The following GPR139 variants were observed in gnomAD, a reference collection of about 807,000 sequenced individuals.
GPR139 encodes the protein probable G protein-coupled receptor 139.
In GPR139, 12 loss-of-function variants were observed where a neutral mutation model predicts 25.8. The ratio of observed to expected loss-of-function variants is 0.47; its 90% CI spans 0.30 to 0.75. GPR139 has a LOEUF of 0.75. GPR139 is among the 30% of genes least tolerant of loss of function. GPR139 has a pLI of 0.07. For synonymous variants in GPR139, 184 were observed against 179.9 expected (o/e 1.02, Z -0.18); for missense variants, 380 against 450.2 (o/e 0.84, Z 1.41).
At chr16:20,067,744 C>A (rs890797081) in intron 1 of GPR139, among the ~76,000 whole-genome samples, 1 of 131,470 alleles carries the variant, frequency 7.6e-6, no homozygotes, top group African/African-American at 2.9e-5. Flanking sequence ...GCAGAAGTTG[C>A]GGTGAGCCGA....
At chr16:20,033,717 G>C (rs149451370) in intron 1 of GPR139, among the ~76,000 whole-genome samples, 30 of 152,182 alleles carry the variant, frequency 2.0e-4, no homozygotes, top group African/African-American at 7.2e-4. Flanking sequence ...AAAAATAATA[G>C]CAAGGAAAAG....
chr16:20,066,535 G>A (rs1489226892), intron 1 of GPR139, among the ~76,000 whole-genome samples: 1 of 152,204 alleles, frequency 6.6e-6, no homozygotes, highest in Non-Finnish European at 1.5e-5. Flanking sequence ...GAGTGAAATT[G>A]TGGATTCATG....
chr16:20,036,059 A>G (rs1038390699), intron 1 of GPR139, among the ~76,000 whole-genome samples: 2 of 152,220 alleles, frequency 1.3e-5, no homozygotes, highest in Non-Finnish European at 2.9e-5. Context: ...GAGAAACATC[A>G]TATAAGTGGC....
intron 1 of GPR139, among the ~76,000 whole-genome samples, chr16:20,065,763 C>T (rs922497488): frequency 9.2e-5 from 14 of 151,796 alleles, no homozygotes; most frequent in African/African-American, 3.4e-4. Context: ...ATTCCAGCTG[C>T]CCGGGAGGCT....
intron 1 of GPR139, among the ~76,000 whole-genome samples, chr16:20,040,996 C>T (rs1389068741): frequency 6.6e-6 from 1 of 151,220 alleles, no homozygotes; most frequent in African/African-American, 2.4e-5. Flanking sequence ...AGTCACAATC[C>T]CCTGTGACTT....
intron 1 of GPR139, among the ~76,000 whole-genome samples, chr16:20,054,132 A>T (rs905158691): frequency 7.9e-5 from 12 of 152,172 alleles, no homozygotes; most frequent in African/African-American, 2.9e-4. Context: ...TAGGAACTTG[A>T]CAAATATTTG....
chr16:20,032,195 A>C lies in GPR139; in HGVS notation c.602T>G (p.Ile201Ser), dbSNP rs1377279993. 1 of 1,614,186 alleles carries C rather than the reference A, an allele frequency of 6.2e-7. No homozygotes were observed. The highest frequency in any genetic ancestry group is 1.1e-5 in the South Asian group (1 of 91,076). ...CTTGTACACAATGATTGAGTTCAAG[A>C]TGAAGAAGATGGAGCAGGGCACCAG... Reference protein sequence around the residue: ...VYLVPCSIFFILNSIIVYKLR... With the variant: ...VYLVPCSIFFSLNSIIVYKLR... The change falls in exon 2 of 2, where the codon ATC becomes AGC. Residue 201 changes from isoleucine (I) to serine (S), a missense_variant. Physicochemically the swap from Ile to Ser is moderately radical, Grantham distance 142. Transcript: ENST00000570682.
rs182499672 is a variant in GPR139, at chr16:20,072,139, G to A, written c.127+1351C>T. 5.3e-4 allele frequency among the ~76,000 whole-genome samples: 81 copies of A among 152,264 alleles called. 1 individual carries two copies. In the Middle Eastern group the frequency reaches 0.024, roughly 45 times the overall value. ...TTACAGGACATGTGCTACCACCCCG[G>A]CAGGGCAAGTCAGAGGCTGAGCTGC... is the stretch of plus-strand genomic sequence containing the variant. On this transcript the variant is annotated intron_variant, in intron 1 of 1. Transcript: ENST00000570682.
chr16:20,072,928 A>G (rs1368813175), intron 1 of GPR139, among the ~76,000 whole-genome samples: 2 of 152,120 alleles, frequency 1.3e-5, no homozygotes, highest in Admixed American at 6.5e-5. Flanking sequence ...GCCAGCTGGG[A>G]GACCCTTTTC....
chr16:20,045,438 G>C (rs2057351108), intron 1 of GPR139, among the ~76,000 whole-genome samples: 1 of 152,154 alleles, frequency 6.6e-6, no homozygotes, highest in Admixed American at 6.5e-5. Flanking sequence ...CAAGACCCAG[G>C]ATTCAAAAAC....
At chr16:20,054,687 T>TCTTCCTTCCTTCCTTCTTC (rs1555466441) in intron 1 of GPR139, among the ~76,000 whole-genome samples, 1 of 129,806 alleles carries the variant, frequency 7.7e-6, no homozygotes, top group African/African-American at 2.6e-5. Context: ...CTTCCTTCCT[T>TCTTCCTTCCTTCCTTCTTC]CTTCCTTCCT....
intron 1 of GPR139, among the ~76,000 whole-genome samples, chr16:20,061,357 C>T (rs1382445689): frequency 2.1e-5 from 3 of 143,822 alleles, no homozygotes; most frequent in Non-Finnish European, 4.5e-5. Context: ...ATAGATGAAT[C>T]AATGGGTGGA....
At chr16:20,071,848 T>C (rs765970750) in intron 1 of GPR139, among the ~76,000 whole-genome samples, 4 of 152,070 alleles carry the variant, frequency 2.6e-5, no homozygotes, top group Non-Finnish European at 5.9e-5. Flanking sequence ...AATGGTTTCA[T>C]TAGAAAAGCC....
intron 1 of GPR139, among the ~76,000 whole-genome samples, chr16:20,059,012 A>C (rs2057401255): frequency 6.6e-6 from 1 of 151,960 alleles, no homozygotes; most frequent in African/African-American, 2.4e-5. Flanking sequence ...TTTTATGTGG[A>C]GTCTGAAGGT....
chr16:20,059,411 G>A (rs1057173772), intron 1 of GPR139, among the ~76,000 whole-genome samples: 1 of 151,902 alleles, frequency 6.6e-6, no homozygotes, highest in South Asian at 2.1e-4. Flanking sequence ...CTGGTCTTTC[G>A]TGCCAGCTGA....
Position 20,028,308 on chromosome 16 carries a change from T to C in GPR139, c.*3427A>G, listed in dbSNP as rs930969207. On this transcript the variant is annotated 3_prime_UTR_variant, in exon 2 of 2. Coordinates refer to ENST00000570682, the MANE Select transcript of GPR139 (RefSeq NM_001002911.4). The stretch of plus-strand genomic sequence containing the variant: ...TATCAAAACATCACATTGTATCCCA[T>C]AAATGTATACAATTATGATTTATCA... 6.6e-6 allele frequency among the ~76,000 whole-genome samples: 1 copy of C among 152,228 alleles called. No homozygotes were observed. Among genetic ancestry groups the C allele is most frequent in the Non-Finnish European group, 1.5e-5 (1 of 68,048 alleles).
chr16:20,036,243 G>A (rs1261899506), intron 1 of GPR139, among the ~76,000 whole-genome samples: 1 of 152,138 alleles, frequency 6.6e-6, no homozygotes, highest in Non-Finnish European at 1.5e-5. Flanking sequence ...GCTGTAAAGA[G>A]GTTGAGGTCT....
chr16:20,048,521 TG>T (rs1567237330), intron 1 of GPR139, among the ~76,000 whole-genome samples: 1 of 152,086 alleles, frequency 6.6e-6, no homozygotes, highest in Non-Finnish European at 1.5e-5. Context: ...CAAACTCAAA[TG>T]ATGACAGGGC....
intron 1 of GPR139, among the ~76,000 whole-genome samples, chr16:20,046,578 G>A (rs16969476): frequency 0.077 from 11,766 of 152,196 alleles, 1,471 homozygotes; most frequent in African/African-American, 0.26. Context: ...ATGACCAAGT[G>A]GTAAGTGTAA....
Sources: gnomAD v4.1 joint callset for allele counts (sites outside exome capture counted in the v4.1 genomes callset) on GRCh38, gnomAD v4.1.1 for gene constraint, MANE v1.5 for transcripts, NCBI Gene and HGNC (gene_info 2026-07-23, HGNC 2026-07-21) for gene names.